The following TIAM1 variants were observed in gnomAD, a reference collection of about 807,000 sequenced individuals.
TIAM1 encodes rho guanine nucleotide exchange factor TIAM1.
TIAM1 carries 65 observed loss-of-function variants against 163.5 expected under a neutral mutation model. That is an observed-to-expected ratio of 0.40 (90% CI 0.33 to 0.49). The LOEUF (loss-of-function observed/expected upper bound fraction) is 0.49, where lower values mean the gene tolerates loss of function less well. Ranked by LOEUF, TIAM1 falls within the 20% of genes least tolerant of loss-of-function variation. TIAM1 has a pLI of 0.77. For synonymous variants in TIAM1, 833 were observed against 810.1 expected (o/e 1.03, Z -0.48); for missense variants, 1,789 against 2,044.7 (o/e 0.87, Z 2.41).
intron 13 of TIAM1, among the ~76,000 whole-genome samples, chr21:31,189,556 T>A (rs2085458096): frequency 6.6e-6 from 1 of 152,132 alleles, no homozygotes; most frequent in African/African-American, 2.4e-5. Context: ...ATAATGGGCA[T>A]AAGTTCCTTC....
chr21:31,483,194 C>T (rs2046170550), intron 1 of TIAM1, among the ~76,000 whole-genome samples: 1 of 152,188 alleles, frequency 6.6e-6, no homozygotes, highest in Non-Finnish European at 1.5e-5. Flanking sequence ...CCAAAACTAA[C>T]AGGACTTGCA....
intron 8 of TIAM1, among the ~76,000 whole-genome samples, chr21:31,217,995 C>A (rs1357799821): frequency 6.6e-6 from 1 of 152,182 alleles, no homozygotes; most frequent in South Asian, 2.1e-4. Context: ...AATGACATGT[C>A]CTTCTGGTCA....
chr21:31,394,687 T>TTC lies in TIAM1; in HGVS notation c.-368-55267_-368-55266dup, dbSNP rs539349529. Among the ~76,000 whole-genome samples the TTC allele has an allele frequency of 2.6e-3, 269 of 103,988 alleles. 4 individuals are homozygous for TTC. Among genetic ancestry groups the TTC allele is most frequent in the African/African-American group, 6.2e-3 (164 of 26,466 alleles). The allele number at this position is 103,988 out of a possible 152,430, so 68.2% of individuals were successfully genotyped here. A position where few individuals can be genotyped will look rare whatever the true frequency, so the allele number is the denominator to read the frequency against. ...TCCTCTAAAAATGAAAATCTACTCATTCTCTCTCTCTCTCTCTCTCGCTCT... is the reference window on the plus strand; with the variant it reads ...TCCTCTAAAAATGAAAATCTACTCATTCTCTCTCTCTCTCTCTCTCTCGCTCT... On this transcript the variant is annotated intron_variant, in intron 2 of 28. Coordinates refer to the TIAM1 transcript ENST00000286827.
intron 2 of TIAM1, 140 bp from the exon 3 acceptor site, chr21:31,277,048 T>A (rs1432565288): frequency 1.3e-5 from 2 of 152,228 alleles, no homozygotes; most frequent in Non-Finnish European, 1.5e-5. Flanking sequence ...CAGAGACGTT[T>A]GAACCACAGC....
intron 2 of TIAM1, among the ~76,000 whole-genome samples, chr21:31,413,174 C>T (rs2043259118): frequency 6.6e-6 from 1 of 152,120 alleles, no homozygotes; most frequent in South Asian, 2.1e-4. Context: ...GGGAAGATCT[C>T]CCCACATCCA....
chr21:31,222,676 C>CACAT (rs1310227960), intron 8 of TIAM1, among the ~76,000 whole-genome samples: 1 of 48,228 alleles, frequency 2.1e-5, no homozygotes, highest in Non-Finnish European at 3.8e-5. Flanking sequence ...TGTACACATA[C>CACAT]ATATATATAT....
At chr21:31,515,824 AG>A (rs2047361329) in intron 1 of TIAM1, among the ~76,000 whole-genome samples, 1 of 152,152 alleles carries the variant, frequency 6.6e-6, no homozygotes, top group Admixed American at 6.5e-5. Flanking sequence ...AAAACACACC[AG>A]GGACTGGACA....
intron 10 of TIAM1, among the ~76,000 whole-genome samples, chr21:31,210,798 GAAAGAAAGAAAGAAA>G (rs1476741374): frequency 1.1e-4 from 16 of 146,782 alleles, no homozygotes; most frequent in Non-Finnish European, 2.4e-4. Flanking sequence ...AAGAAAGAAA[GAAAGAAAGAAAGAAA>G]GGTCACCATT....
At chr21:31,411,692 T>A (rs764483914) in intron 2 of TIAM1, among the ~76,000 whole-genome samples, 37 of 152,232 alleles carry the variant, frequency 2.4e-4, no homozygotes, top group Middle Eastern at 3.4e-3. Context: ...GCTAGGCTAG[T>A]CTCAAACTCC....
In TIAM1 at chr21:31,220,195, T is replaced by G. The variant is rs529895527; in HGVS notation, c.1996-2496A>C. Among the ~76,000 whole-genome samples, 33 of 152,366 alleles carry G rather than the reference T, an allele frequency of 2.2e-4. 2 individuals carry two copies. The highest frequency in any genetic ancestry group is 7.7e-4 in the African/African-American group (32 of 41,594). On this transcript the variant is annotated intron_variant, in intron 8 of 27. Transcript: ENST00000541036. ...TTCATACACACAGCAATACCTGTAC[T>G]TACTGTGTCTAGTTAATTGTTTACT...
At chr21:31,296,088 C>G (rs373325925) in intron 2 of TIAM1, among the ~76,000 whole-genome samples, 1 of 152,130 alleles carries the variant, frequency 6.6e-6, no homozygotes, top group Non-Finnish European at 1.5e-5. Context: ...CGTGAGCCAC[C>G]GCACCCGGCC....
upstream of TIAM1, among the ~76,000 whole-genome samples, chr21:31,347,642 TTTG>T (rs1406281397): frequency 6.6e-6 from 1 of 152,170 alleles, no homozygotes; most frequent in Non-Finnish European, 1.5e-5. Context: ...ACAGCTGACT[TTTG>T]TTGTTAATTT....
intron 2 of TIAM1, among the ~76,000 whole-genome samples, chr21:31,461,155 T>A (rs1184140190): frequency 6.6e-6 from 1 of 152,090 alleles, no homozygotes; most frequent in Non-Finnish European, 1.5e-5. Context: ...CTTTACTCTG[T>A]AAAAGAAGAG....
In TIAM1 at chr21:31,266,914, C is replaced by A; in HGVS notation, c.59G>T (p.Ser20Ile). The change falls in exon 4 of 28, where the codon AGC becomes ATC. Residue 20 changes from serine (S) to isoleucine (I), a missense_variant. Transcript: ENST00000541036. ...GCGGGAAGTGTGCTTGCGCCCCAGG[C>A]TGGCATGCTTTTCTCCATAAAACTC... ...EHEFYGEKHA[S>I]LGRKHTSRSL... 1 of 1,612,084 alleles carries A rather than the reference C, an allele frequency of 6.2e-7. No homozygotes were observed. The highest frequency in any genetic ancestry group is 8.5e-7 in the Non-Finnish European group (1 of 1,178,468).
intron 2 of TIAM1, among the ~76,000 whole-genome samples, chr21:31,362,476 A>AT (rs2076424368): frequency 6.7e-6 from 1 of 148,712 alleles, no homozygotes; most frequent in Admixed American, 6.7e-5. Flanking sequence ...TATTATTATT[A>AT]TTATATTTGA....
At chr21:31,168,529 T>C (rs2084351852) in intron 15 of TIAM1, among the ~76,000 whole-genome samples, 1 of 152,110 alleles carries the variant, frequency 6.6e-6, no homozygotes, top group African/African-American at 2.4e-5. Context: ...GTCTCCTGAG[T>C]AGCTGGTACT....
At chr21:31,533,469 C>T (rs144672016) in intron 1 of TIAM1, among the ~76,000 whole-genome samples, 2 of 152,264 alleles carry the variant, frequency 1.3e-5, no homozygotes, top group Non-Finnish European at 2.9e-5. Flanking sequence ...AAATTATTCA[C>T]GTGGCTGGGT....
chr21:31,144,734 C>T (rs2083023353), intron 20 of TIAM1, among the ~76,000 whole-genome samples: 1 of 143,206 alleles, frequency 7.0e-6, no homozygotes, highest in Non-Finnish European at 1.5e-5. Flanking sequence ...GAGGCTGAGG[C>T]AGGATAATCA....
intron 2 of TIAM1, among the ~76,000 whole-genome samples, chr21:31,444,501 A>T (rs915457351): frequency 1.6e-4 from 25 of 151,600 alleles, no homozygotes; most frequent in African/African-American, 6.1e-4. Flanking sequence ...ACTAGAAAAA[A>T]ATGAGGGATA....
Sources: gnomAD v4.1 joint callset for allele counts (sites outside exome capture counted in the v4.1 genomes callset) on GRCh38, gnomAD v4.1.1 for gene constraint, MANE v1.5 for transcripts, NCBI Gene and HGNC (gene_info 2026-07-23, HGNC 2026-07-21) for gene names.